Variants in ARIH1 observed in about 807,000 individuals in gnomAD.
The protein encoded by ARIH1 is E3 ubiquitin-protein ligase ARIH1.
In ARIH1, 8 loss-of-function variants were observed where a neutral mutation model predicts 85.0. The ratio of observed to expected loss-of-function variants is 0.09; its 90% CI spans 0.06 to 0.17. The LOEUF (loss-of-function observed/expected upper bound fraction) is 0.17, where lower values mean the gene tolerates loss of function less well. Among genes scored for constraint, ARIH1 ranks in the 10% least tolerant of loss-of-function variants. The pLI, the probability that ARIH1 is intolerant of heterozygous loss-of-function variation, is 1.00. For synonymous variants in ARIH1, 238 were observed against 253.6 expected, an observed-to-expected ratio of 0.94 and a Z score of 0.59; for missense variants, 311 against 718.1, an observed-to-expected ratio of 0.43 and a Z score of 6.48.
chr15:72,509,226 AGT>A (rs2063939854), intron 1 of ARIH1, among the ~76,000 whole-genome samples: 1 of 151,472 alleles, frequency 6.6e-6, no homozygotes, highest in Non-Finnish European at 1.5e-5. Context: ...CCTGACCTTA[AGT>A]GATCACCTGC....
In ARIH1 at chr15:72,524,833, C is replaced by G. The variant is rs571777900; in HGVS notation, c.443+6699C>G. ...GAGAAAATGATACTTATAAATATAGCTGTTGAATTTATAAATAAAATAATG... is the reference window on the plus strand; with the variant it reads ...GAGAAAATGATACTTATAAATATAGGTGTTGAATTTATAAATAAAATAATG... On this transcript the variant is annotated intron_variant, in intron 2 of 13. Transcript: ENST00000379887. 1.2e-3 allele frequency among the ~76,000 whole-genome samples: 184 copies of G among 152,258 alleles called. 1 individual carries two copies. The highest frequency in any genetic ancestry group is 4.2e-3 in the African/African-American group (173 of 41,548).
intron 2 of ARIH1, among the ~76,000 whole-genome samples, chr15:72,521,824 C>T (rs570259585): frequency 2.0e-5 from 3 of 152,194 alleles, no homozygotes; most frequent in Admixed American, 6.5e-5. Flanking sequence ...GCTGGGGTTA[C>T]AGGCATGAGT....
intron 2 of ARIH1, among the ~76,000 whole-genome samples, chr15:72,539,847 T>G (rs1384878576): frequency 6.6e-6 from 1 of 152,142 alleles, no homozygotes; most frequent in African/African-American, 2.4e-5. Context: ...GGGAAGGGAT[T>G]TTGGCCAAAG....
In ARIH1 at chr15:72,601,760, T is replaced by A. The variant is rs940217118; in HGVS notation, c.*18468T>A. On this transcript the variant is annotated 3_prime_UTR_variant, in exon 14 of 14. Coordinates refer to ENST00000379887, the MANE Select transcript of ARIH1 (RefSeq NM_005744.5). ...CGCTATTATTGGAGTAGGTAATACA[T>A]CCATATAGTACAAAATTCAAAATGT... The A allele has an allele frequency of 1.3e-5, 2 of 152,192 alleles. No individual in the cohort carries two copies. Among genetic ancestry groups the A allele is most frequent in the African/African-American group, 2.4e-5 (1 of 41,444 alleles). 9.4% of individuals were successfully genotyped at this position (152,192 alleles called of 1,614,324 possible). A position where few individuals can be genotyped will look rare whatever the true frequency, so the allele number is the denominator to read the frequency against.
intron 2 of ARIH1, among the ~76,000 whole-genome samples, chr15:72,533,207 C>T (rs2064065776): frequency 6.6e-6 from 1 of 152,146 alleles, no homozygotes; most frequent in Non-Finnish European, 1.5e-5. Context: ...TGGCTCACTG[C>T]AGCCCCCTAC....
Position 72,597,459 on chromosome 15 carries a change from TAGG to T in ARIH1, c.*14172_*14174del, listed in dbSNP as rs1428295663. ...TTTTTTTTAATCAATGGGCTGGGGA[TAGG>T]AGGATCTTTCTCAGCTCTCATGTGT... On this transcript the variant is annotated 3_prime_UTR_variant, in exon 14 of 14. Coordinates refer to ENST00000379887, the MANE Select transcript of ARIH1 (RefSeq NM_005744.5). 6 of 143,082 alleles carry T rather than the reference TAGG, an allele frequency of 4.2e-5. No individual in the cohort carries two copies. The highest frequency in any genetic ancestry group is 8.8e-5 in the Non-Finnish European group (6 of 67,890). The allele number at this position is 143,082 out of a possible 1,614,324, so 8.9% of individuals were successfully genotyped here. A position where few individuals can be genotyped will look rare whatever the true frequency, so the allele number is the denominator to read the frequency against.
chr15:72,500,069 A>G (rs1388916062), intron 1 of ARIH1, among the ~76,000 whole-genome samples: 1 of 151,408 alleles, frequency 6.6e-6, no homozygotes, highest in East Asian at 1.9e-4. Context: ...GTTGGTGATA[A>G]GACTGATAGT....
At chr15:72,503,407 C>G (rs1157814019) in intron 1 of ARIH1, among the ~76,000 whole-genome samples, 2 of 152,192 alleles carry the variant, frequency 1.3e-5, no homozygotes, top group Non-Finnish European at 2.9e-5. Context: ...CTTCCTGATT[C>G]AAGCTTTCCA....
At chr15:72,554,786 C>CTCCTTTGCCCA (rs2064167970) in intron 3 of ARIH1, among the ~76,000 whole-genome samples, 1 of 152,140 alleles carries the variant, frequency 6.6e-6, no homozygotes, top group Non-Finnish European at 1.5e-5. Context: ...CAGGGTCTCA[C>CTCCTTTGCCCA]TCCTTTGCCC....
chr15:72,560,673 T>C (rs1187760618), intron 5 of ARIH1, among the ~76,000 whole-genome samples: 1 of 152,150 alleles, frequency 6.6e-6, no homozygotes, highest in Admixed American at 6.5e-5. Context: ...ACGAATGTGA[T>C]AGGAGTGCAC....
chr15:72,546,939 G>GA (rs56179610), intron 3 of ARIH1, among the ~76,000 whole-genome samples: 13 of 142,900 alleles, frequency 9.1e-5, no homozygotes, highest in African/African-American at 3.6e-4. Context: ...TTTGGAGGGG[G>GA]GGGGGTGGGA....
In ARIH1 at chr15:72,597,030, C is replaced by T. The variant is rs1301908536; in HGVS notation, c.*13738C>T. The T allele has an allele frequency of 6.6e-6, 1 of 151,866 alleles. No individual in the cohort carries two copies. Among genetic ancestry groups the T allele is most frequent in the Non-Finnish European group, 1.5e-5 (1 of 67,996 alleles). The allele number at this position is 151,866 out of a possible 1,614,324, so 9.4% of individuals were successfully genotyped here. On this transcript the variant is annotated 3_prime_UTR_variant, in exon 14 of 14. Transcript: ENST00000379887. ...CTTTTCTAGTTCTGCTTCTATTGAG[C>T]CCTTCCTCTCCCTTACCATGAATCT...
chr15:72,505,861 G>T (rs777654587), intron 1 of ARIH1, among the ~76,000 whole-genome samples: 2 of 152,012 alleles, frequency 1.3e-5, no homozygotes, highest in African/African-American at 2.4e-5. Context: ...TCAGCCTCCC[G>T]AGGAGCTGGG....
intron 1 of ARIH1, chr15:72,496,841 C>T (rs1353505356): frequency 1.0e-5 from 10 of 985,276 alleles, no homozygotes; most frequent in African/African-American, 1.7e-5. Context: ...AAAGGACAGG[C>T]GGGCTGCAGC....
At chr15:72,546,342 G>A (rs951419108) in intron 3 of ARIH1, among the ~76,000 whole-genome samples, 2 of 152,176 alleles carry the variant, frequency 1.3e-5, no homozygotes, top group Admixed American at 6.5e-5. Context: ...AGAAAATAAA[G>A]TACTCTTAGA....
At chr15:72,554,168 A>G (rs539704361) in intron 3 of ARIH1, among the ~76,000 whole-genome samples, 133 of 152,316 alleles carry the variant, frequency 8.7e-4, no homozygotes, top group Non-Finnish European at 9.4e-4. Flanking sequence ...GAATAATGCT[A>G]TAATGAACAC....
At chr15:72,498,104 C>T (rs2140399899) in intron 1 of ARIH1, among the ~76,000 whole-genome samples, 1 of 152,200 alleles carries the variant, frequency 6.6e-6, no homozygotes, top group Middle Eastern at 3.4e-3. Flanking sequence ...TAATGCTCCA[C>T]TAAATAGATC....
intron 1 of ARIH1, among the ~76,000 whole-genome samples, chr15:72,488,483 T>C (rs1229783461): frequency 1.3e-5 from 2 of 152,192 alleles, no homozygotes; most frequent in Non-Finnish European, 2.9e-5. Flanking sequence ...TGTGCTTCCT[T>C]ATCTATGTTT....
intron 1 of ARIH1, among the ~76,000 whole-genome samples, chr15:72,512,718 T>C (rs2063955958): frequency 6.6e-6 from 1 of 152,004 alleles, no homozygotes; most frequent in South Asian, 2.1e-4. Context: ...ATTTTCATTT[T>C]TGTCTAGTTC....
Sources: allele counts gnomAD v4.1 joint callset (sites outside exome capture counted in the v4.1 genomes callset), GRCh38; gene constraint gnomAD v4.1.1; transcripts MANE v1.5; gene names NCBI Gene and HGNC (gene_info 2026-07-23, HGNC 2026-07-21).